The following KLHL32 variants were observed in gnomAD, a reference collection of about 807,000 sequenced individuals.
KLHL32 encodes kelch-like protein 32.
In KLHL32, 35 loss-of-function variants were observed where a neutral mutation model predicts 64.8. The ratio of observed to expected loss-of-function variants is 0.54; its 90% confidence interval spans 0.41 to 0.72. KLHL32 has a LOEUF of 0.72. KLHL32 is among the 30% of genes least tolerant of loss of function. The probability of loss-of-function intolerance (pLI) is 0.00; values close to 1 mark genes in which losing one functional copy is unlikely to be tolerated. For missense variants in KLHL32, 589 were observed against 768.5 expected (o/e 0.77, Z 2.76); for synonymous variants, 259 against 281.0 (o/e 0.92, Z 0.78).
At chr6:97,004,961 G>A (rs1779482143) in intron 3 of KLHL32, among the ~76,000 whole-genome samples, 1 of 151,740 alleles carries the variant, frequency 6.6e-6, no homozygotes, top group Admixed American at 6.6e-5. Flanking sequence ...TTATGGGTCT[G>A]CTAGGTTTTG....
At chr6:96,982,692 G>A (rs71562316) in intron 3 of KLHL32, among the ~76,000 whole-genome samples, 19,653 of 152,106 alleles carry the variant, frequency 0.13, 1,556 homozygotes, top group East Asian at 0.26. Flanking sequence ...GTCTGTTACT[G>A]GTGCATAAGA....
At chr6:96,993,840 G>A (rs1362873941) in intron 3 of KLHL32, among the ~76,000 whole-genome samples, 1 of 152,186 alleles carries the variant, frequency 6.6e-6, no homozygotes, top group Admixed American at 6.5e-5. Context: ...GGGCCAGCTT[G>A]TGAGTGAGTT....
chr6:97,024,318 A>C (rs896817940), intron 3 of KLHL32, among the ~76,000 whole-genome samples: 6 of 152,020 alleles, frequency 3.9e-5, no homozygotes, highest in African/African-American at 4.8e-5. Context: ...GAGTCTGCAC[A>C]TGGTGGTGGG....
At chr6:97,103,940 G>A (rs1796078693) in intron 6 of KLHL32, among the ~76,000 whole-genome samples, 1 of 152,154 alleles carries the variant, frequency 6.6e-6, no homozygotes, top group Non-Finnish European at 1.5e-5. Context: ...GTATATCCTA[G>A]AGAAGGAGGA....
At chr6:97,006,235 G>A (rs1465213494) in intron 3 of KLHL32, among the ~76,000 whole-genome samples, 1 of 152,098 alleles carries the variant, frequency 6.6e-6, no homozygotes, top group Admixed American at 6.6e-5. Context: ...TCTTTTCATT[G>A]AGTGAGTCCT....
chr6:97,004,192 CT>C (rs1779384992), intron 3 of KLHL32, among the ~76,000 whole-genome samples: 1 of 152,082 alleles, frequency 6.6e-6, no homozygotes, highest in South Asian at 2.1e-4. Flanking sequence ...GATCTTTCAC[CT>C]CCCTGGTTGG....
intron 6 of KLHL32, among the ~76,000 whole-genome samples, chr6:97,086,669 A>T (rs1451285431): frequency 6.6e-6 from 1 of 152,214 alleles, no homozygotes; most frequent in Non-Finnish European, 1.5e-5. Context: ...AACATTAAAG[A>T]ATAAATTTTT....
chr6:96,986,749 G>A (rs112286670), intron 3 of KLHL32, among the ~76,000 whole-genome samples: 27 of 152,342 alleles, frequency 1.8e-4, no homozygotes, highest in Non-Finnish European at 3.4e-4. Flanking sequence ...GGAGTGACCC[G>A]ATTTTCCAGG....
At chr6:96,991,174 A>AGGGCAG (rs1236532764) in intron 3 of KLHL32, among the ~76,000 whole-genome samples, 1 of 151,628 alleles carries the variant, frequency 6.6e-6, no homozygotes, top group Non-Finnish European at 1.5e-5. Context: ...AAGGGCAGCA[A>AGGGCAG]GGGCAGGACC....
At chr6:96,971,756 A>G (rs1775134848) in intron 2 of KLHL32, among the ~76,000 whole-genome samples, 1 of 152,166 alleles carries the variant, frequency 6.6e-6, no homozygotes, top group South Asian at 2.1e-4. Context: ...AGGGACATAT[A>G]TCCCTGGGAA....
At chr6:97,005,453 G>T (rs1210922486) in intron 3 of KLHL32, among the ~76,000 whole-genome samples, 1 of 151,732 alleles carries the variant, frequency 6.6e-6, no homozygotes. Flanking sequence ...TTGAACTTTT[G>T]TATGGTTTTT....
chr6:97,073,538 C>T (rs1031760173), intron 5 of KLHL32, among the ~76,000 whole-genome samples: 5 of 152,222 alleles, frequency 3.3e-5, no homozygotes, highest in East Asian at 3.9e-4. Flanking sequence ...TCCTGGTATA[C>T]AGAATCCAAG....
intron 1 of KLHL32, among the ~76,000 whole-genome samples, chr6:96,926,062 C>T (rs1278807116): frequency 3.3e-5 from 5 of 152,022 alleles, no homozygotes; most frequent in East Asian, 1.9e-4. Context: ...TTTGAGGTCT[C>T]GGGTGTCTAT....
intron 1 of KLHL32, 30 bp from the exon 2 acceptor site, chr6:96,966,966 T>A (rs1279478016): frequency 3.7e-5 from 42 of 1,139,006 alleles, no homozygotes; most frequent in Non-Finnish European, 6.6e-6. Flanking sequence ...TTTAGCTCAA[T>A]GCACCCTTTT....
intron 6 of KLHL32, among the ~76,000 whole-genome samples, chr6:97,111,765 A>T (rs1325925338): frequency 1.3e-5 from 2 of 152,218 alleles, no homozygotes; most frequent in East Asian, 3.9e-4. Flanking sequence ...GAAGACGGTA[A>T]ATGTGGGGGA....
In KLHL32 at chr6:97,089,926, A is replaced by G. The variant is rs76557323; in HGVS notation, c.627+4585A>G. On this transcript the variant is annotated intron_variant, in intron 6 of 10. Transcript: ENST00000369261. ...TTTGCTGGCTATGTGAGTGGCGTCA[A>G]ACAAGGTAAGACCTCAGCAGGGAGG... 5.9e-3 allele frequency among the ~76,000 whole-genome samples: 904 copies of G among 152,344 alleles called. 5 individuals carry two copies. Among genetic ancestry groups the G allele is most frequent in the Middle Eastern group, 0.017 (5 of 294 alleles).
At chr6:96,904,720 G>A in the KLHL32 span, among the ~76,000 whole-genome samples, 1 of 152,070 alleles carries the variant, frequency 6.6e-6, no homozygotes. Context: ...CAATTAGGTA[G>A]GACTTACCCT....
chr6:96,965,610 G>A (rs1372228266), intron 1 of KLHL32, among the ~76,000 whole-genome samples: 1 of 152,162 alleles, frequency 6.6e-6, no homozygotes, highest in East Asian at 1.9e-4. Flanking sequence ...CAGTTTTAAA[G>A]CTCAAGTGTC....
intron 6 of KLHL32, among the ~76,000 whole-genome samples, chr6:97,103,022 C>A (rs766561211): frequency 6.6e-6 from 1 of 151,158 alleles, no homozygotes; most frequent in Non-Finnish European, 1.5e-5. Flanking sequence ...ATATTTACCT[C>A]TACGAGGTAA....
Sources: gnomAD v4.1 joint callset for allele counts (sites outside exome capture counted in the v4.1 genomes callset) on GRCh38, gnomAD v4.1.1 for gene constraint, MANE v1.5 for transcripts, NCBI Gene and HGNC (gene_info 2026-07-23, HGNC 2026-07-21) for gene names.